The following CACNA2D1 variants were observed in gnomAD, a reference collection of about 807,000 sequenced individuals.
The protein encoded by CACNA2D1 is calcium voltage-gated channel auxiliary subunit alpha2delta 1, also known as voltage-dependent calcium channel subunit alpha-2/delta-1.
In CACNA2D1, 53 loss-of-function variants were observed where a neutral mutation model predicts 171.5. The observed-to-expected ratio is 0.31, with a 90% CI of 0.25 to 0.39. The LOEUF is 0.39. Ranked by LOEUF, CACNA2D1 falls within the 10% of genes least tolerant of loss-of-function variation. The probability of loss-of-function intolerance (pLI) is 1.00; values close to 1 mark genes in which losing one functional copy is unlikely to be tolerated. For missense variants in CACNA2D1, 903 were observed against 1,299.8 expected (o/e 0.69, Z 4.69); for synonymous variants, 442 against 443.1 (o/e 1.00, Z 0.03).
chr7:81,972,683 T>C (rs1795405018), intron 25 of CACNA2D1, among the ~76,000 whole-genome samples: 2 of 151,992 alleles, frequency 1.3e-5, no homozygotes, highest in East Asian at 1.9e-4. Flanking sequence ...CTTCCCATTC[T>C]CCTTGTTCCT....
intron 5 of CACNA2D1, among the ~76,000 whole-genome samples, chr7:82,124,677 C>T (rs540198879): frequency 6.6e-6 from 1 of 152,290 alleles, no homozygotes; most frequent in Non-Finnish European, 1.5e-5. Flanking sequence ...CTCAAGCCCG[C>T]TCCTACTCTG....
At chr7:82,185,468 AGAGGGGGG>A (rs1797567456) in intron 3 of CACNA2D1, among the ~76,000 whole-genome samples, 8 of 46,886 alleles carry the variant, frequency 1.7e-4, no homozygotes, top group South Asian at 1.3e-3. Flanking sequence ...GACAAAAAAG[AGAGGGGGG>A]GAGGGGGAGG....
chr7:82,365,623 G>A (rs1478835825), intron 1 of CACNA2D1, among the ~76,000 whole-genome samples: 1 of 152,208 alleles, frequency 6.6e-6, no homozygotes, highest in Non-Finnish European at 1.5e-5. Flanking sequence ...CAGTCATTGG[G>A]TTGGCTACAT....
chr7:82,240,388 A>C (rs1163123414), intron 3 of CACNA2D1, among the ~76,000 whole-genome samples: 1 of 152,196 alleles, frequency 6.6e-6, no homozygotes, highest in Non-Finnish European at 1.5e-5. Flanking sequence ...CAGGAATTGA[A>C]TTTCAACCCT....
chr7:81,995,645 A>C (rs37099), intron 19 of CACNA2D1, among the ~76,000 whole-genome samples: 80,283 of 151,660 alleles, frequency 0.53, 23,712 homozygotes, highest in African/African-American at 0.81. Flanking sequence ...CTACAAATGC[A>C]AAAATTAGCC....
chr7:82,172,057 A>C (rs1185004080), intron 3 of CACNA2D1, among the ~76,000 whole-genome samples: 1 of 151,958 alleles, frequency 6.6e-6, no homozygotes, highest in African/African-American at 2.4e-5. Context: ...GCCTAGTGGG[A>C]GATCTCAATT....
chr7:82,108,450 C>A (rs1018473133), intron 6 of CACNA2D1, among the ~76,000 whole-genome samples: 1 of 152,160 alleles, frequency 6.6e-6, no homozygotes, highest in African/African-American at 2.4e-5. Context: ...ATCCTAATTA[C>A]TTCTTAAAGT....
At chr7:82,025,241 A>T (rs1232713681) in intron 12 of CACNA2D1, among the ~76,000 whole-genome samples, 1 of 151,620 alleles carries the variant, frequency 6.6e-6, no homozygotes, top group Non-Finnish European at 1.5e-5. Flanking sequence ...GGTACTATGG[A>T]AATTTTAACA....
At chr7:82,438,433 ACT>A (rs1045334269) in intron 1 of CACNA2D1, among the ~76,000 whole-genome samples, 27 of 152,346 alleles carry the variant, frequency 1.8e-4, no homozygotes, top group African/African-American at 5.5e-4. Flanking sequence ...AATATTTTGG[ACT>A]CTCAAGGAAA....
chr7:82,357,910 A>G (rs1820643735), intron 1 of CACNA2D1, among the ~76,000 whole-genome samples: 1 of 151,732 alleles, frequency 6.6e-6, no homozygotes, highest in African/African-American at 2.4e-5. Context: ...TATAGGAGGG[A>G]TAGTGGGAAA....
chr7:82,218,602 CAGGA>C (rs1455570195), intron 3 of CACNA2D1, among the ~76,000 whole-genome samples: 2 of 151,962 alleles, frequency 1.3e-5, no homozygotes, highest in East Asian at 3.9e-4. Flanking sequence ...GATTAATTAC[CAGGA>C]AGGAAGTACA....
chr7:82,004,653 T>G (rs1798946426), intron 18 of CACNA2D1, among the ~76,000 whole-genome samples: 1 of 152,080 alleles, frequency 6.6e-6, no homozygotes, highest in Admixed American at 6.5e-5. Context: ...GTCTGCATGG[T>G]TTAAAGGATC....
intron 9 of CACNA2D1, among the ~76,000 whole-genome samples, chr7:82,061,642 AAG>A (rs1428526555): frequency 1.3e-5 from 2 of 152,186 alleles, no homozygotes; most frequent in Non-Finnish European, 2.9e-5. Flanking sequence ...GCAGTAAAGA[AAG>A]AGTTTAATTG....
Position 82,084,842 on chromosome 7 carries a change from C to T in CACNA2D1, c.585G>A (p.Lys195=), listed in dbSNP as rs1035408693. ...ATAATGAAGGGTCTTCCTCGCGATT[C>T]TTTTTGAAAACTTCATCTAAGGCAC... ...WTSALDEVFK[K]NREEDPSLLW... The change falls in exon 7 of 39, where the codon AAG becomes AAA. Residue 195 remains lysine (K), a synonymous_variant. Transcript: ENST00000356860. The T allele has an allele frequency of 4.3e-6, 7 of 1,613,806 alleles. No individual in the cohort carries two copies. The highest frequency in any genetic ancestry group is 3.3e-5 in the Admixed American group (2 of 59,988).
At chr7:82,385,735 G>A (rs1049082911) in intron 1 of CACNA2D1, among the ~76,000 whole-genome samples, 1 of 151,912 alleles carries the variant, frequency 6.6e-6, no homozygotes, top group African/African-American at 2.4e-5. Context: ...TGCAATCTCG[G>A]CTCACTGCGA....
At chr7:82,012,118 T>C in intron 15 of CACNA2D1, 36 bp downstream of exon 15, 1 of 1,166,358 alleles carries the variant, frequency 8.6e-7, no homozygotes, top group South Asian at 1.2e-5. Flanking sequence ...GTGCTTTTGT[T>C]ATGACAGTCT....
chr7:82,039,929 G>A lies in CACNA2D1; in HGVS notation c.880-1694C>T, dbSNP rs1257282043. On this transcript the variant is annotated intron_variant, in intron 10 of 38. Transcript: ENST00000356860. ...AGATCATGTGGAGTCTAATGGAAATGCTGAAGATGATTTTATTTTCTGTGA... is the reference window on the plus strand; with the variant it reads ...AGATCATGTGGAGTCTAATGGAAATACTGAAGATGATTTTATTTTCTGTGA... 3.9e-5 allele frequency among the ~76,000 whole-genome samples: 6 copies of A among 152,202 alleles called. No homozygotes were observed. In the East Asian group the frequency reaches 1.2e-3, roughly 29 times the overall value.
Position 82,111,442 on chromosome 7 carries a change from ATATTTT to A in CACNA2D1, c.526+5596_526+5601del, listed in dbSNP as rs1563065576. ...TATATATGTGTGTATATATATATAT[ATATTTT>A]TTTTTTTTTTTTTTTTTGAGACAGG... On this transcript the variant is annotated intron_variant, in intron 6 of 38. Coordinates refer to ENST00000356860, the MANE Select transcript of CACNA2D1 (RefSeq NM_000722.4). Among the ~76,000 whole-genome samples the A allele has an allele frequency of 7.3e-4, 72 of 98,808 alleles. 2 individuals are homozygous for A. The highest frequency in any genetic ancestry group is 2.0e-3 in the Admixed American group (18 of 9,194). 64.8% of individuals were successfully genotyped at this position (98,808 alleles called of 152,430 possible). A position where few individuals can be genotyped will look rare whatever the true frequency, so the allele number is the denominator to read the frequency against.
intron 2 of CACNA2D1, among the ~76,000 whole-genome samples, chr7:82,340,675 T>C (rs1397273860): frequency 6.6e-6 from 1 of 152,160 alleles, no homozygotes; most frequent in Non-Finnish European, 1.5e-5. Context: ...ACAATTTCCA[T>C]TAGGCATCAG....
Sources: gnomAD v4.1 joint callset for allele counts (sites outside exome capture counted in the v4.1 genomes callset) on GRCh38, gnomAD v4.1.1 for gene constraint, MANE v1.5 for transcripts, NCBI Gene and HGNC (gene_info 2026-07-23, HGNC 2026-07-21) for gene names.